KLHDC7B: variants seen among roughly 807,000 people sequenced by gnomAD.
The protein encoded by KLHDC7B is kelch domain containing 7B.
In KLHDC7B, 1 loss-of-function variant was observed where a neutral mutation model predicts 0.6. The observed-to-expected ratio is 1.71, with a 90% CI of 0.61 to 8.11. KLHDC7B has a LOEUF of 8.11. KLHDC7B is among the 30% of genes most tolerant of loss of function. The probability of loss-of-function intolerance (pLI) is 0.13; values close to 1 mark genes in which losing one functional copy is unlikely to be tolerated. For synonymous variants in KLHDC7B, 462 were observed against 405.2 expected (o/e 1.14, Z -1.68); for missense variants, 993 against 894.9 (o/e 1.11, Z -1.40).
Position 50,549,892 on chromosome 22 carries a change from G to A in KLHDC7B, c.3649G>A (p.Val1217Ile), listed in dbSNP as rs752514346. 30 of 1,589,288 alleles carry A rather than the reference G, an allele frequency of 1.9e-5. No individual in the cohort carries two copies. Among genetic ancestry groups the A allele is most frequent in the Non-Finnish European group, 2.6e-5 (30 of 1,166,434 alleles). ...GCCCTTCCCCTTGGGGAGCACCGGG[G>A]TCCTCAGTCCATTCATCCTGACTCT... Reference protein sequence around the residue: ...LQPFPLGSTGVLSPFILTLPP... With the variant: ...LQPFPLGSTGILSPFILTLPP... Residue 1217 changes from valine to isoleucine, a missense_variant, in exon 1 of 1, where the codon GTC (valine) becomes ATC (isoleucine). By Grantham distance (29) the Val-to-Ile change is conservative (BLOSUM62 3). Coordinates refer to ENST00000648057, the MANE Select transcript of KLHDC7B (RefSeq NM_138433.5).
chr22:50,548,912 A>C lies in KLHDC7B; in HGVS notation c.2669A>C (p.Asn890Thr). 1 of 1,592,696 alleles carries C rather than the reference A, an allele frequency of 6.3e-7. No homozygotes were observed. The highest frequency in any genetic ancestry group is 8.5e-7 in the Non-Finnish European group (1 of 1,171,032). The stretch of plus-strand genomic sequence containing the variant: ...GAGACCTACGCGCTGATGAGCGACA[A>C]CCTGCTGCGAGTGCTGGGAGACCCG... ...AQETYALMSD[N>T]LLRVLGDPCL... Residue 890 changes from asparagine to threonine, a missense_variant, in exon 1 of 1, where the codon AAC becomes ACC. By Grantham distance (65) the Asn-to-Thr change is moderately conservative. Coordinates refer to ENST00000648057, the MANE Select transcript of KLHDC7B (RefSeq NM_138433.5). This position sits in a 1 kb window ranked among gnomAD's most constrained non-coding sequence, Gnocchi z 5.3.
chr22:50,548,511 C>T lies in KLHDC7B; in HGVS notation c.2268C>T (p.Pro756=). Reference sequence around the variant, plus strand: ...CCCCCGCGCAGAGGCCGCCTGGCCCCGCGGCCTCCTCCTCTGCGAGGCGCT... The same window carrying T: ...CCCCCGCGCAGAGGCCGCCTGGCCCTGCGGCCTCCTCCTCTGCGAGGCGCT... ...AQPPAQRPPG[P]AASSSARRSQ... The change falls in exon 1 of 1, where the codon CCC becomes CCT. Residue 756 remains proline (P), a synonymous_variant. Transcript: ENST00000648057. The surrounding 1 kb of genome is among the most constrained non-coding windows in gnomAD (Gnocchi z 5.3). 2 of 1,555,830 alleles carry T rather than the reference C, an allele frequency of 1.3e-6. No individual in the cohort carries two copies. Among genetic ancestry groups the T allele is most frequent in the African/African-American group, 1.4e-5 (1 of 73,650 alleles).
chr22:50,547,625 C>T lies in KLHDC7B; in HGVS notation c.1382C>T (p.Ala461Val), dbSNP rs963529879. Residue 461 changes from alanine to valine, a missense_variant, in exon 1 of 1, where the codon GCG (alanine) becomes GTG (valine). Transcript: ENST00000648057. ...TCCGTGGGCGAAAATCTCAGAGCGGCGCCAGCCCCAAGTTCAGCCTCAGCC... is the reference window on the plus strand; with the variant it reads ...TCCGTGGGCGAAAATCTCAGAGCGGTGCCAGCCCCAAGTTCAGCCTCAGCC... The part of the protein sequence containing the change: ...DPSVGENLRA[A>V]PAPSSASAQV... 4 of 403,364 alleles carry T rather than the reference C, an allele frequency of 9.9e-6. No homozygotes were observed. The Admixed American group carries it at 1.3e-4, about 13-fold the overall frequency. 25.0% of individuals were successfully genotyped at this position (403,364 alleles called of 1,614,324 possible).
chr22:50,549,917 T>C lies in KLHDC7B; in HGVS notation c.3674T>C (p.Leu1225Pro). ...GTCCTCAGTCCATTCATCCTGACTC[T>C]GCCCCCTGAGGACCGGCTGCAGACC... ...TGVLSPFILTLPPEDRLQTSL is the reference protein window; with the variant it reads ...TGVLSPFILTPPPEDRLQTSL Residue 1225 changes from leucine (L) to proline (P), a missense_variant, in exon 1 of 1, where the codon CTG becomes CCG. Coordinates refer to ENST00000648057, the MANE Select transcript of KLHDC7B (RefSeq NM_138433.5). 1 of 1,585,432 alleles carries C rather than the reference T, an allele frequency of 6.3e-7. No homozygotes were observed. The highest frequency in any genetic ancestry group is 1.1e-5 in the South Asian group (1 of 88,108).
chr22:50,546,687 C>T lies in KLHDC7B; in HGVS notation c.444C>T (p.Pro148=), dbSNP rs2148694634. Among the ~76,000 whole-genome samples the T allele has an allele frequency of 6.6e-6, 1 of 152,288 alleles. No homozygotes were observed. Among genetic ancestry groups the T allele is most frequent in the Non-Finnish European group, 1.5e-5 (1 of 67,996 alleles). ...GGGGCAGTGCCACCCCCGCGGCCCCCCGAGCGGAAGGAAAGGAGCCTCCCA... is the reference window on the plus strand; with the variant it reads ...GGGGCAGTGCCACCCCCGCGGCCCCTCGAGCGGAAGGAAAGGAGCCTCCCA... ...QQRGSATPAA[P]RAEGKEPPRP... is the part of the protein sequence containing the mutation. The change falls in exon 1 of 1, where the codon CCC becomes CCT. Residue 148 remains proline (P), a synonymous_variant. Transcript: ENST00000648057.
chr22:50,548,318 C>A lies in KLHDC7B; in HGVS notation c.2075C>A (p.Thr692Lys). The A allele has an allele frequency of 6.4e-7, 1 of 1,551,120 alleles. No individual in the cohort carries two copies. Among genetic ancestry groups the A allele is most frequent in the Non-Finnish European group, 8.7e-7 (1 of 1,146,952 alleles). Residue 692 changes from threonine to lysine, a missense_variant, in exon 1 of 1, where the codon ACA (threonine) becomes AAA (lysine). By Grantham distance (78) the Thr-to-Lys change is moderately conservative (BLOSUM62 -1). Transcript: ENST00000648057. The surrounding 1 kb of genome is among the most constrained non-coding windows in gnomAD (Gnocchi z 5.3). ...TCTTCAGTGGGGACAGTCATAGGGA[C>A]AGGTACAGGGGGCCTGGTTGAGGCT... Reference protein sequence around the residue: ...PSSSVGTVIGTGTGGLVEAGG... With the variant: ...PSSSVGTVIGKGTGGLVEAGG...
In KLHDC7B at chr22:50,546,211, C is replaced by A. The variant is rs2069726981; in HGVS notation, c.-33C>A. 6.6e-6 allele frequency among the ~76,000 whole-genome samples: 1 copy of A among 152,242 alleles called. No homozygotes were observed. Reference sequence around the variant, plus strand: ...CTCTGTGCTCTGCATGCACTGCCAGCCTGCCATCAGGCCTCTATTGCAGCC... The same window carrying A: ...CTCTGTGCTCTGCATGCACTGCCAGACTGCCATCAGGCCTCTATTGCAGCC... On this transcript the variant is annotated 5_prime_UTR_variant, in exon 1 of 1. Transcript: ENST00000648057.
At position 50,550,962 on chromosome 22, in the gene KLHDC7B, T is replaced by C. The variant is rs1194320178; in HGVS notation, c.*1011T>C. 1 of 347,220 alleles carries C rather than the reference T, an allele frequency of 2.9e-6. No homozygotes were observed. The allele number at this position is 347,220 out of a possible 1,614,324, so 21.5% of individuals were successfully genotyped here. Reference sequence around the variant, plus strand: ...TGGATGTCCCTGTCTGGGCCCTTTTTCTGTTTTTTATTCTATGTTCAGCAC... The same window carrying C: ...TGGATGTCCCTGTCTGGGCCCTTTTCCTGTTTTTTATTCTATGTTCAGCAC... On this transcript the variant is annotated 3_prime_UTR_variant, in exon 1 of 1. Coordinates refer to ENST00000648057, the MANE Select transcript of KLHDC7B (RefSeq NM_138433.5).
chr22:50,547,747 C>T lies in KLHDC7B; in HGVS notation c.1504C>T (p.Pro502Ser), dbSNP rs1003367112. ...PTSATTSTSS[P>S]TSAPAPAPTS... ...CTCAGCCACCACCTCAACCTCATCC[C>T]CCACCTCAGCCCCAGCCCCAGCTCC... The change falls in exon 1 of 1, where the codon CCC becomes TCC. Residue 502 changes from proline to serine, a missense_variant. Pro to Ser is a moderately conservative substitution (Grantham distance 74). Coordinates refer to ENST00000648057, the MANE Select transcript of KLHDC7B (RefSeq NM_138433.5). 1 of 496,634 alleles carries T rather than the reference C, an allele frequency of 2.0e-6. No individual in the cohort carries two copies. The highest frequency in any genetic ancestry group is 3.5e-6 in the Non-Finnish European group (1 of 281,716). The allele number at this position is 496,634 out of a possible 1,614,324, so 30.8% of individuals were successfully genotyped here.
rs550966235 is a variant in KLHDC7B at position 50,548,639 on chromosome 22, C to T, written c.2396C>T (p.Ala799Val). ...PAASGDPQGE[A>V]PGEGGSPAGR... ...GCCTCGGGGGACCCTCAAGGGGAGGCGCCGGGGGAGGGGGGCAGCCCTGCC... is the reference window on the plus strand; with the variant it reads ...GCCTCGGGGGACCCTCAAGGGGAGGTGCCGGGGGAGGGGGGCAGCCCTGCC... The change falls in exon 1 of 1, where the codon GCG becomes GTG. Residue 799 changes from alanine (A) to valine (V), a missense_variant. By Grantham distance (64) the Ala-to-Val change is moderately conservative (BLOSUM62 0). Coordinates refer to ENST00000648057, the MANE Select transcript of KLHDC7B (RefSeq NM_138433.5). This position sits in a 1 kb window ranked among gnomAD's most constrained non-coding sequence, Gnocchi z 5.3. The T allele has an allele frequency of 4.6e-6, 7 of 1,532,666 alleles. No individual in the cohort carries two copies. Among genetic ancestry groups the T allele is most frequent in the East Asian group, 2.5e-5 (1 of 40,244 alleles). 94.9% of individuals were successfully genotyped at this position (1,532,666 alleles called of 1,614,324 possible).
At position 50,548,423 on chromosome 22, in the gene KLHDC7B, G is replaced by A; in HGVS notation, c.2180G>A (p.Gly727Glu). 7 of 1,571,716 alleles carry A rather than the reference G, an allele frequency of 4.5e-6. No individual in the cohort carries two copies. Among genetic ancestry groups the A allele is most frequent in the South Asian group, 1.2e-5 (1 of 85,952 alleles). ...PDPPPGLRGE[G>E]TREKSLDPLP... ...CCTCCCCCAGGCCTAAGAGGAGAGG[G>A]AACCAGGGAGAAAAGTCTAGACCCG... The change falls in exon 1 of 1, where the codon GGA becomes GAA. Residue 727 changes from glycine (G) to glutamate (E), a missense_variant. Coordinates refer to ENST00000648057, the MANE Select transcript of KLHDC7B (RefSeq NM_138433.5). The surrounding 1 kb of genome is among the most constrained non-coding windows in gnomAD (Gnocchi z 5.3).
rs994476289 is a variant in KLHDC7B, at chr22:50,549,164, G to C, written c.2921G>C (p.Arg974Pro). ...TTCAACCCCCGGGAGAACACCTGGC[G>C]GCCCCTGACCCAGGTGCCCGAGGAG... is the stretch of plus-strand genomic sequence containing the variant. ...HVFNPRENTW[R>P]PLTQVPEEAP... is the part of the protein sequence containing the mutation. Residue 974 changes from arginine to proline, a missense_variant, in exon 1 of 1, where the codon CGG becomes CCG. Arg to Pro is a moderately radical substitution (Grantham distance 103, BLOSUM62 -2). Transcript: ENST00000648057. The C allele has an allele frequency of 6.2e-7, 1 of 1,604,686 alleles. No homozygotes were observed. Among genetic ancestry groups the C allele is most frequent in the Admixed American group, 1.7e-5 (1 of 60,006 alleles).
chr22:50,547,879 GCCC>G lies in KLHDC7B; in HGVS notation c.1637_1639del (p.Ala546_Leu547delinsVal), dbSNP rs2069749469. The stretch of plus-strand genomic sequence containing the variant: ...CCCAACCCTCACACCCCCATCCCCA[GCCC>G]TAACCCCAGTCCCAACCCCAGCCCT... On this transcript the variant is annotated inframe_deletion, in exon 1 of 1. Coordinates refer to ENST00000648057, the MANE Select transcript of KLHDC7B (RefSeq NM_138433.5). 1.5e-5 allele frequency among the ~76,000 whole-genome samples: 1 copy of G among 67,794 alleles called. No individual in the cohort carries two copies. The highest frequency in any genetic ancestry group is 2.9e-5 in the Non-Finnish European group (1 of 34,702). 44.5% of individuals were successfully genotyped at this position (67,794 alleles called of 152,430 possible). A position where few individuals can be genotyped will look rare whatever the true frequency, so the allele number is the denominator to read the frequency against.
Position 50,547,929 on chromosome 22 carries a change from C to G in KLHDC7B, c.1686C>G (p.Ala562=). The G allele has an allele frequency of 3.6e-6, 1 of 279,768 alleles. No homozygotes were observed. Among genetic ancestry groups the G allele is most frequent in the South Asian group, 4.9e-5 (1 of 20,514 alleles). 17.3% of individuals were successfully genotyped at this position (279,768 alleles called of 1,614,324 possible). The stretch of plus-strand genomic sequence containing the variant: ...CCCTAAGCCCAGCTCCAACTCCAGC[C>G]CTAACCCCAGCCGCATCCCCAGCCC... ...TPALSPAPTP[A]LTPAASPALT... The change falls in exon 1 of 1, where the codon GCC becomes GCG. Residue 562 remains alanine, a synonymous_variant. Transcript: ENST00000648057.
At position 50,548,995 on chromosome 22, in the gene KLHDC7B, G is replaced by A. The variant is rs779501691; in HGVS notation, c.2752G>A (p.Gly918Ser). The part of the protein sequence containing the change: ...DRERILSLRT[G>S]RGRAVLGVLV... Reference sequence around the variant, plus strand: ...CGAGCGCATCCTCAGCCTGCGGACCGGCCGGGGCCGGGCGGTGCTGGGCGT... The same window carrying A: ...CGAGCGCATCCTCAGCCTGCGGACCAGCCGGGGCCGGGCGGTGCTGGGCGT... Residue 918 changes from glycine to serine, a missense_variant, in exon 1 of 1, where the codon GGC becomes AGC. Gly to Ser is a moderately conservative substitution (Grantham distance 56). Transcript: ENST00000648057. The surrounding 1 kb of genome is among the most constrained non-coding windows in gnomAD (Gnocchi z 5.3). The A allele has an allele frequency of 5.0e-6, 8 of 1,596,436 alleles. No individual in the cohort carries two copies. The African/African-American group carries it at 6.7e-5, about 13-fold the overall frequency.
In KLHDC7B at chr22:50,549,132, G is replaced by C. The variant is rs775512079; in HGVS notation, c.2889G>C (p.Leu963=). Residue 963 remains leucine, a synonymous_variant, in exon 1 of 1, where the codon CTG becomes CTC. Transcript: ENST00000648057. The part of the protein sequence containing the change: ...APVSLPLPAH[L]HVFNPRENTW... ...TGTCCCTGCCTCTACCTGCGCACCT[G>C]CATGTGTTCAACCCCCGGGAGAACA... is the stretch of plus-strand genomic sequence containing the variant. 1 of 1,603,020 alleles carries C rather than the reference G, an allele frequency of 6.2e-7. No homozygotes were observed. The highest frequency in any genetic ancestry group is 1.1e-5 in the South Asian group (1 of 91,062).
chr22:50,549,716 C>T lies in KLHDC7B; in HGVS notation c.3473C>T (p.Ser1158Phe), dbSNP rs769127729. The part of the protein sequence containing the change: ...AVMRYNTVTG[S>F]WSRAASLPLP... ...ATGCGCTACAACACAGTGACCGGCT[C>T]CTGGAGCAGGGCTGCCTCCCTGCCC... Residue 1158 changes from serine (S) to phenylalanine (F), a missense_variant, in exon 1 of 1, where the codon TCC becomes TTC. Ser to Phe is a radical substitution (Grantham distance 155, BLOSUM62 -2). Coordinates refer to ENST00000648057, the MANE Select transcript of KLHDC7B (RefSeq NM_138433.5). 4 of 1,584,984 alleles carry T rather than the reference C, an allele frequency of 2.5e-6. No individual in the cohort carries two copies. The Admixed American group carries it at 5.1e-5, about 20-fold the overall frequency.
chr22:50,549,049 G>T lies in KLHDC7B; in HGVS notation c.2806G>T (p.Gly936Cys), dbSNP rs1487821431. 3 of 1,596,480 alleles carry T rather than the reference G, an allele frequency of 1.9e-6. No homozygotes were observed. In the African/African-American group the frequency reaches 4.0e-5, roughly 21 times the overall value. The change falls in exon 1 of 1, where the codon GGC (glycine) becomes TGC (cysteine). Residue 936 changes from glycine (G) to cysteine (C), a missense_variant. By Grantham distance (159) the Gly-to-Cys change is radical (BLOSUM62 -3). Transcript: ENST00000648057. ...CGTACTGCCCAGCCTCTACCAGGGG[G>T]GCCGCTCAGGGCTCCCCAGGGGCCC... ...VLVLPSLYQG[G>C]RSGLPRGPRG... is the part of the protein sequence containing the mutation.
Position 50,549,355 on chromosome 22 carries a change from C to T in KLHDC7B, c.1189C>T (p.Gln397Ter), listed in dbSNP as rs1442573237. The T allele has an allele frequency of 6.2e-7, 1 of 1,612,880 alleles. No homozygotes were observed. Among genetic ancestry groups the T allele is most frequent in the African/African-American group, 1.3e-5 (1 of 75,064 alleles). Residue 397 changes from glutamine (Q) to a stop codon, truncating the protein, a stop_gained, in exon 1 of 1, where the codon CAG becomes TAG. Transcript: ENST00000395676. LOFTEE classifies it low-confidence loss of function (END_TRUNC). ...TCGGCCCATGCAGCAGGCCCGAGCCCAGCTCAAGCTGGTGGCCCTGGACGG... is the reference window on the plus strand; with the variant it reads ...TCGGCCCATGCAGCAGGCCCGAGCCTAGCTCAAGCTGGTGGCCCTGGACGG...
Sources: gnomAD v4.1 joint callset for allele counts (sites outside exome capture counted in the v4.1 genomes callset) on GRCh38, gnomAD v4.1.1 for gene constraint, Gnocchi (gnomAD v3.1) non-coding constraint, MANE v1.5 for transcripts, NCBI Gene and HGNC (gene_info 2026-07-23, HGNC 2026-07-21) for gene names.